Variants in SYNE1 observed in about 807,000 individuals in gnomAD.
SYNE1 encodes nesprin-1.
A neutral mutation model predicts 1,111.0 loss-of-function variants in SYNE1; 616 were observed. The observed-to-expected ratio is 0.55, with a 90% CI of 0.52 to 0.59. SYNE1 has a LOEUF of 0.59. Among genes scored for constraint, SYNE1 ranks in the 20% least tolerant of loss-of-function variants. SYNE1 has a pLI of 0.00. For synonymous variants in SYNE1, 3,855 were observed against 3,825.8 expected, an observed-to-expected ratio of 1.01 and a Z score of -0.28; for missense variants, 10,006 against 10,417.0, an observed-to-expected ratio of 0.96 and a Z score of 1.72.
At position 152,380,730 on chromosome 6, in the gene SYNE1, T is replaced by C. The variant is rs540424223; in HGVS notation, c.9009+276A>G. On this transcript the variant is annotated intron_variant, in intron 56 of 145. Coordinates refer to ENST00000367255, the MANE Select transcript of SYNE1 (RefSeq NM_182961.4). ...TCAGACTGAATGGCTGAATACAGTATTACAGACTCTTACACCATAGGAATG... is the reference window on the plus strand; with the variant it reads ...TCAGACTGAATGGCTGAATACAGTACTACAGACTCTTACACCATAGGAATG... 2.9e-5 allele frequency: 13 copies of C among 443,606 alleles called. No individual in the cohort carries two copies. The Admixed American group carries it at 3.5e-4, about 12-fold the overall frequency. The allele number at this position is 443,606 out of a possible 1,614,324, so 27.5% of individuals were successfully genotyped here.
Position 152,166,939 on chromosome 6 carries a change from AT to A in SYNE1, c.23628-2615del, listed in dbSNP as rs1221197996. On this transcript the variant is annotated intron_variant, in intron 130 of 145. Coordinates refer to ENST00000367255, the MANE Select transcript of SYNE1 (RefSeq NM_182961.4). ...GGAGAAATGTCCCATGTTTCTTTCCATTATTTCTTTAAAGATAATTTTTGGG... is the reference window on the plus strand; with the variant it reads ...GGAGAAATGTCCCATGTTTCTTTCCATATTTCTTTAAAGATAATTTTTGGG... 3.9e-5 allele frequency among the ~76,000 whole-genome samples: 6 copies of A among 152,164 alleles called. No homozygotes were observed. In the East Asian group the frequency reaches 1.2e-3, roughly 29 times the overall value.
intron 124 of SYNE1, 134 bp from the exon 125 acceptor site, chr6:152,208,340 C>G (rs2076908371): frequency 1.3e-6 from 1 of 782,236 alleles, no homozygotes. Context: ...GAATATCATG[C>G]CATGATCTCT....
At chr6:152,441,021 T>A (rs1057032600) in intron 32 of SYNE1, 109 bp downstream of exon 32, 1 of 1,325,838 alleles carries the variant, frequency 7.5e-7, no homozygotes, top group Non-Finnish European at 1.1e-6. Context: ...AAATAGTAAG[T>A]ATTGATTAAA....
At chr6:152,577,579 G>A (rs1301790253) in intron 3 of SYNE1, among the ~76,000 whole-genome samples, 1 of 152,136 alleles carries the variant, frequency 6.6e-6, no homozygotes, top group Non-Finnish European at 1.5e-5. Flanking sequence ...CTTGCAGTGA[G>A]CCGAGATGGT....
chr6:152,254,938 A>G lies in SYNE1; in HGVS notation c.19412T>C (p.Val6471Ala). 6.2e-7 allele frequency: 1 copy of G among 1,614,012 alleles called. No homozygotes were observed. The highest frequency in any genetic ancestry group is 1.1e-5 in the South Asian group (1 of 91,074). ...CATCTGATGACATCGTTGATTCACT[A>G]CTGAGTCTAGCAAGGATAACCTGCC... Reference protein sequence around the residue: ...LLGRLSLLDSVVNQRCHQMKE... With the variant: ...LLGRLSLLDSAVNQRCHQMKE... Residue 6471 changes from valine (V) to alanine (A), a missense_variant, in exon 104 of 146, where the codon GTA becomes GCA. By Grantham distance (64) the Val-to-Ala change is moderately conservative (BLOSUM62 0). Transcript: ENST00000367255.
chr6:152,238,992 G>T (rs530233793), intron 108 of SYNE1, among the ~76,000 whole-genome samples: 2 of 151,422 alleles, frequency 1.3e-5, no homozygotes, highest in African/African-American at 4.9e-5. Flanking sequence ...ACTGCCTCCC[G>T]GTTCAAGTGA....
At chr6:152,207,585 G>T (rs1422612906) in intron 125 of SYNE1, among the ~76,000 whole-genome samples, 1 of 152,198 alleles carries the variant, frequency 6.6e-6, no homozygotes, top group Non-Finnish European at 1.5e-5. Context: ...AATGAACAAA[G>T]AACTCAAACA....
At chr6:152,606,795 C>T (rs954165161) in intron 3 of SYNE1, among the ~76,000 whole-genome samples, 1 of 151,148 alleles carries the variant, frequency 6.6e-6, no homozygotes, top group African/African-American at 2.4e-5. Context: ...CTACAGGCGC[C>T]CGCCACCACG....
intron 130 of SYNE1, chr6:152,168,199 C>G: frequency 1.3e-6 from 1 of 767,224 alleles, no homozygotes; most frequent in East Asian, 2.4e-5. Context: ...CCTCCGCCAC[C>G]ACCATGAAGC....
chr6:152,628,367 C>A lies in SYNE1; in HGVS notation c.-36G>T. The A allele has an allele frequency of 6.2e-7, 1 of 1,607,124 alleles. No individual in the cohort carries two copies. The highest frequency in any genetic ancestry group is 1.1e-5 in the South Asian group (1 of 90,910). ...GAAGCACGAAGCCAACACCAAGAGACTCTTCACTGGAGGCAGCACAGGGCT... is the reference window on the plus strand; with the variant it reads ...GAAGCACGAAGCCAACACCAAGAGAATCTTCACTGGAGGCAGCACAGGGCT... On this transcript the variant is annotated 5_prime_UTR_variant, in exon 3 of 146. Coordinates refer to ENST00000367255, the MANE Select transcript of SYNE1 (RefSeq NM_182961.4).
rs1332123102 is a variant in SYNE1, at chr6:152,459,537, G to A, written c.2395-607C>T. On this transcript the variant is annotated intron_variant, in intron 21 of 145. Coordinates refer to ENST00000367255, the MANE Select transcript of SYNE1 (RefSeq NM_182961.4). ...CCAATTTATTCATGAAGCTTCCCAT[G>A]CTAGGGGAGGGCTCTGTAGTCCAAA... Among the ~76,000 whole-genome samples, 5 of 152,314 alleles carry A rather than the reference G, an allele frequency of 3.3e-5. No individual in the cohort carries two copies. The East Asian group carries it at 9.6e-4, about 29-fold the overall frequency.
At chr6:152,488,541 G>A (rs374350878) in intron 11 of SYNE1, 38 bp from the exon 12 acceptor site, 94 of 1,128,922 alleles carry the variant, frequency 8.3e-5, no homozygotes, top group Non-Finnish European at 1.1e-4. Flanking sequence ...ATTAGTATCT[G>A]TGCATTTATT....
chr6:152,124,126 C>A (rs2052474054), intron 145 of SYNE1, among the ~76,000 whole-genome samples: 1 of 152,160 alleles, frequency 6.6e-6, no homozygotes, highest in Non-Finnish European at 1.5e-5. Context: ...GAGTTCAAGC[C>A]AGCCTGGCCA....
Position 152,336,925 on chromosome 6 carries a change from A to C in SYNE1, c.12444T>G (p.Asp4148Glu). Residue 4148 changes from aspartate (D) to glutamate (E), a missense_variant, in exon 76 of 146, where the codon GAT (aspartate) becomes GAG (glutamate). Physicochemically the swap from Asp to Glu is conservative, Grantham distance 45. Around this residue, in one of 7 missense-constraint regions of SYNE1, gnomAD observed 4,955 missense variants for 5,017.2 expected, o/e 0.99. Coordinates refer to ENST00000367255, the MANE Select transcript of SYNE1 (RefSeq NM_182961.4). Reference protein sequence around the residue: ...LKSELWIYLQDADQQLQNMKR... With the variant: ...LKSELWIYLQEADQQLQNMKR... ...TCATGTTCTGCAGTTGCTGATCAGCATCTTGCAGGTAAATCCAGAGCTCAG... is the reference window on the plus strand; with the variant it reads ...TCATGTTCTGCAGTTGCTGATCAGCCTCTTGCAGGTAAATCCAGAGCTCAG... 6.2e-7 allele frequency: 1 copy of C among 1,614,206 alleles called. No homozygotes were observed. The highest frequency in any genetic ancestry group is 8.5e-7 in the Non-Finnish European group (1 of 1,180,048).
At position 152,610,762 on chromosome 6, in the gene SYNE1, T is replaced by C. The variant is rs1041618438; in HGVS notation, c.67+17503A>G. 1.6e-4 allele frequency among the ~76,000 whole-genome samples: 24 copies of C among 152,072 alleles called. 1 individual carries two copies. The East Asian group carries it at 2.1e-3, about 13-fold the overall frequency. ...CCAGAGAGATAGGTCGGGTTACCCA[T>C]AAAGGGAAGCCCATCAGACTAACAG... On this transcript the variant is annotated intron_variant, in intron 3 of 145. Transcript: ENST00000367255.
In SYNE1 at chr6:152,337,490, C is replaced by T. The variant is rs546474072; in HGVS notation, c.12352-473G>A. Among the ~76,000 whole-genome samples, 204 of 152,224 alleles carry T rather than the reference C, an allele frequency of 1.3e-3. 1 individual carries two copies. Among genetic ancestry groups the T allele is most frequent in the African/African-American group, 4.3e-3 (178 of 41,540 alleles). ...TTTTAGTAGAGACAGGGTTTCTCTA[C>T]GTTGGTCAGGCTGGTCTCGAACTCC... On this transcript the variant is annotated intron_variant, in intron 75 of 145. Transcript: ENST00000367255.
At position 152,466,547 on chromosome 6, in the gene SYNE1, T is replaced by TA. The variant is rs1289211031; in HGVS notation, c.1633-470dup. The stretch of plus-strand genomic sequence containing the variant: ...TGCTTCCCTTAAAATAAAAAGTCAG[T>TA]AGAAAAATTGGAAATAATTACATAT... On this transcript the variant is annotated intron_variant, in intron 16 of 145. Transcript: ENST00000367255. Among the ~76,000 whole-genome samples, 3 of 152,228 alleles carry TA rather than the reference T, an allele frequency of 2.0e-5. No homozygotes were observed. The East Asian group carries it at 5.8e-4, about 29-fold the overall frequency.
chr6:152,329,215 A>G (rs1401755181), intron 78 of SYNE1, among the ~76,000 whole-genome samples: 1 of 152,222 alleles, frequency 6.6e-6, no homozygotes, highest in Admixed American at 6.5e-5. Context: ...CAAAATGAAT[A>G]TCATGCACAT....
intron 28 of SYNE1, among the ~76,000 whole-genome samples, chr6:152,448,373 C>A (rs2098611662): frequency 6.6e-6 from 1 of 152,146 alleles, no homozygotes; most frequent in Non-Finnish European, 1.5e-5. Context: ...TTTGCCAGGG[C>A]AAATGCACAC....
Sources: allele counts gnomAD v4.1 joint callset (sites outside exome capture counted in the v4.1 genomes callset), GRCh38; gene constraint gnomAD v4.1.1; regional missense constraint gnomAD v4.1.1; transcripts MANE v1.5; gene names NCBI Gene and HGNC (gene_info 2026-07-23, HGNC 2026-07-21).